LINGO2: variants seen among roughly 807,000 people sequenced by gnomAD.
The protein encoded by LINGO2 is leucine rich repeat and Ig domain containing 2.
LINGO2 carries 14 observed loss-of-function variants against 30.6 expected under a neutral mutation model. That is an observed-to-expected ratio of 0.46 (90% confidence interval 0.30 to 0.72). The LOEUF (loss-of-function observed/expected upper bound fraction) is 0.72, where lower values mean the gene tolerates loss of function less well. Among genes scored for constraint, LINGO2 ranks in the 30% least tolerant of loss-of-function variants. The probability of loss-of-function intolerance (pLI) is 0.07; values close to 1 mark genes in which losing one functional copy is unlikely to be tolerated. For missense variants in LINGO2, 729 were observed against 751.7 expected, an observed-to-expected ratio of 0.97 and a Z score of 0.35; for synonymous variants, 317 against 288.5, an observed-to-expected ratio of 1.10 and a Z score of -1.00.
intron 4 of LINGO2, among the ~76,000 whole-genome samples, chr9:28,226,635 GA>G (rs1821161697): frequency 1.5e-5 from 1 of 66,840 alleles, no homozygotes; most frequent in South Asian, 6.2e-4. Context: ...AGGAAAGAAG[GA>G]AAGAAGGAAA....
intron 1 of LINGO2, among the ~76,000 whole-genome samples, chr9:28,657,285 C>G (rs1402071559): frequency 6.6e-6 from 1 of 152,018 alleles, no homozygotes; most frequent in Non-Finnish European, 1.5e-5. Context: ...CACCACCCAT[C>G]AAAAGAACTC....
chr9:28,409,620 G>GCT (rs1054547963), intron 2 of LINGO2, among the ~76,000 whole-genome samples: 25 of 146,312 alleles, frequency 1.7e-4, no homozygotes, highest in African/African-American at 6.1e-4. Flanking sequence ...GATGTGCAGG[G>GCT]GTGTGTGTGT....
chr9:28,066,135 CCT>C (rs1468502635), intron 4 of LINGO2, among the ~76,000 whole-genome samples: 6 of 152,000 alleles, frequency 3.9e-5, no homozygotes, highest in African/African-American at 7.3e-5. Flanking sequence ...AACTCAGCAC[CCT>C]GTTACCTTAA....
At chr9:28,043,713 C>G (rs1483213384) in intron 4 of LINGO2, among the ~76,000 whole-genome samples, 1 of 152,126 alleles carries the variant, frequency 6.6e-6, no homozygotes, top group Non-Finnish European at 1.5e-5. Context: ...TCATCTACCA[C>G]CTTTCTTGTC....
At chr9:29,161,187 C>T in the LINGO2 span, among the ~76,000 whole-genome samples, 5 of 152,010 alleles carry the variant, frequency 3.3e-5, no homozygotes, top group African/African-American at 1.2e-4. Context: ...AAGCAGGCTG[C>T]CGAGAGGAGG....
At position 28,040,444 on chromosome 9, in the gene LINGO2, T is replaced by G. The variant is rs78933339; in HGVS notation, c.-86-28039A>C. Among the ~76,000 whole-genome samples the G allele has an allele frequency of 1.6e-3, 242 of 148,208 alleles. 5 individuals carry two copies. The East Asian group carries it at 0.023, about 14-fold the overall frequency. ...TTGAAGTTTTTTTTTTTTTTTTTTT[T>G]GGACAGGGATTCACTACCTCACAAG... On this transcript the variant is annotated intron_variant, in intron 4 of 5. Coordinates refer to ENST00000379992, the Ensembl canonical transcript of LINGO2.
chr9:28,372,320 A>G (rs984266173), intron 3 of LINGO2, among the ~76,000 whole-genome samples: 7 of 152,232 alleles, frequency 4.6e-5, no homozygotes, highest in African/African-American at 1.2e-4. Context: ...TGCTACTTTC[A>G]TATTGTTTCA....
intron 5 of LINGO2, among the ~76,000 whole-genome samples, chr9:27,960,761 TA>T: frequency 6.6e-6 from 1 of 152,134 alleles, no homozygotes. Context: ...CATTTAAATT[TA>T]ATATAGTTAT....
chr9:29,117,365 T>G, the LINGO2 span, among the ~76,000 whole-genome samples: 1 of 152,290 alleles, frequency 6.6e-6, no homozygotes, highest in South Asian at 2.1e-4. Flanking sequence ...AAGCACGTAT[T>G]TCCACCATAG....
intron 4 of LINGO2, among the ~76,000 whole-genome samples, chr9:28,206,830 C>G (rs1443179729): frequency 6.6e-6 from 1 of 152,086 alleles, no homozygotes; most frequent in African/African-American, 2.4e-5. Flanking sequence ...CTAGGTTATA[C>G]TGGTTCAATG....
the LINGO2 span, among the ~76,000 whole-genome samples, chr9:28,718,951 A>G: frequency 4.6e-5 from 7 of 152,006 alleles, no homozygotes; most frequent in African/African-American, 1.7e-4. Context: ...TCTCTGAAAC[A>G]GCTGTTACAA....
intron 4 of LINGO2, among the ~76,000 whole-genome samples, chr9:28,108,906 A>C (rs1168816832): frequency 6.6e-6 from 1 of 152,094 alleles, no homozygotes; most frequent in Non-Finnish European, 1.5e-5. Flanking sequence ...CCATTCCAAA[A>C]TTATCTGAGA....
chr9:28,804,077 T>C, the LINGO2 span, among the ~76,000 whole-genome samples: 2 of 152,218 alleles, frequency 1.3e-5, no homozygotes, highest in Non-Finnish European at 1.5e-5. Context: ...TTTAGAGAAC[T>C]GGGCCTCTTG....
chr9:29,200,090 A>G, the LINGO2 span, among the ~76,000 whole-genome samples: 3 of 152,106 alleles, frequency 2.0e-5, no homozygotes, highest in Non-Finnish European at 4.4e-5. Context: ...TTTAGAAATC[A>G]GGCTAGACTA....
At chr9:29,186,067 G>A in the LINGO2 span, among the ~76,000 whole-genome samples, 1 of 152,026 alleles carries the variant, frequency 6.6e-6, no homozygotes, top group African/African-American at 2.4e-5. Context: ...ATGATAGTAA[G>A]TTCCCATTTC....
At chr9:28,048,994 A>G (rs1422726995) in intron 4 of LINGO2, among the ~76,000 whole-genome samples, 2 of 151,146 alleles carry the variant, frequency 1.3e-5, no homozygotes, top group East Asian at 3.9e-4. Context: ...TATTAGAATT[A>G]TGATTAATTT....
chr9:28,921,160 T>C, the LINGO2 span, among the ~76,000 whole-genome samples: 1 of 152,280 alleles, frequency 6.6e-6, no homozygotes, highest in African/African-American at 2.4e-5. Flanking sequence ...AGAAAAAAGA[T>C]GTTAAACAAA....
chr9:28,725,701 A>G, the LINGO2 span, among the ~76,000 whole-genome samples: 1 of 152,060 alleles, frequency 6.6e-6, no homozygotes, highest in Non-Finnish European at 1.5e-5. Context: ...AAAACAATAA[A>G]TGTAAATAAA....
intron 1 of LINGO2, among the ~76,000 whole-genome samples, chr9:28,592,041 C>G (rs1240171736): frequency 1.3e-5 from 2 of 152,074 alleles, no homozygotes; most frequent in African/African-American, 4.8e-5. Context: ...ATATTGATCT[C>G]TTCCCATAGT....
Sources: allele counts gnomAD v4.1 joint callset (sites outside exome capture counted in the v4.1 genomes callset), GRCh38; gene constraint gnomAD v4.1.1; transcripts MANE v1.5; gene names NCBI Gene and HGNC (gene_info 2026-07-23, HGNC 2026-07-21).